Variants in CCDC152 observed in about 807,000 individuals in gnomAD.
The protein encoded by CCDC152 is coiled-coil domain-containing protein 152.
A neutral mutation model predicts 38.1 loss-of-function variants in CCDC152; 37 were observed. The ratio of observed to expected loss-of-function variants is 0.97; its 90% CI spans 0.75 to 1.28. The LOEUF (loss-of-function observed/expected upper bound fraction) is 1.28, where lower values mean the gene tolerates loss of function less well. Ranked by LOEUF, CCDC152 falls within the 50% of genes most tolerant of loss-of-function variation. CCDC152 has a pLI of 0.00. For synonymous variants in CCDC152, 83 were observed against 87.1 expected, an observed-to-expected ratio of 0.95 and a Z score of 0.26; for missense variants, 259 against 292.1, an observed-to-expected ratio of 0.89 and a Z score of 0.83.
chr5:42,801,295 A>C lies in CCDC152; in HGVS notation c.*1514A>C, dbSNP rs752921378. The C allele has an allele frequency of 6.2e-7, 1 of 1,611,534 alleles. No individual in the cohort carries two copies. ...TCAACTGTTTTATCCACAGTAGCCA[A>C]AGATACACGTTTACAAAAGTCTTCA... On this transcript the variant is annotated 3_prime_UTR_variant, in exon 9 of 9. Coordinates refer to ENST00000361970, the MANE Select transcript of CCDC152 (RefSeq NM_001134848.2).
intron 4 of CCDC152, among the ~76,000 whole-genome samples, chr5:42,772,426 G>A (rs1283075537): frequency 6.6e-6 from 1 of 152,048 alleles, no homozygotes; most frequent in African/African-American, 2.4e-5. Context: ...TTGGCCGGGC[G>A]CTGTGGCTCA....
Position 42,762,922 on chromosome 5 carries a change from A to AT in CCDC152, c.193+376dup, listed in dbSNP as rs201969377. Reference sequence around the variant, plus strand: ...AATAAATGTCAAATGTGTCAAAAAAATTGTGTTAAAAATGAATCTGTACAC... The same window carrying AT: ...AATAAATGTCAAATGTGTCAAAAAAATTTGTGTTAAAAATGAATCTGTACAC... On this transcript the variant is annotated intron_variant, in intron 3 of 8. Coordinates refer to ENST00000361970, the MANE Select transcript of CCDC152 (RefSeq NM_001134848.2). 1.6e-3 allele frequency among the ~76,000 whole-genome samples: 247 copies of AT among 152,338 alleles called. 2 individuals are homozygous for AT. The highest frequency in any genetic ancestry group is 0.015 in the Admixed American group (225 of 15,296).
intron 5 of CCDC152, among the ~76,000 whole-genome samples, chr5:42,780,918 T>A (rs1401394863): frequency 6.6e-6 from 1 of 152,168 alleles, no homozygotes; most frequent in Non-Finnish European, 1.5e-5. Context: ...TGTAACCTAT[T>A]GGGGATTAGT....
At chr5:42,760,183 A>G (rs781321923) in intron 2 of CCDC152, among the ~76,000 whole-genome samples, 7 of 152,100 alleles carry the variant, frequency 4.6e-5, no homozygotes, top group Non-Finnish European at 1.0e-4. Context: ...AGGCTCCTAT[A>G]GTCCCAGCTA....
At chr5:42,778,124 C>T (rs1357517484) in intron 4 of CCDC152, among the ~76,000 whole-genome samples, 1 of 152,126 alleles carries the variant, frequency 6.6e-6, no homozygotes, top group Non-Finnish European at 1.5e-5. Context: ...GAGGCTTTTC[C>T]TGTTTACCAG....
chr5:42,790,178 T>C (rs1759978706), intron 6 of CCDC152, among the ~76,000 whole-genome samples: 1 of 152,118 alleles, frequency 6.6e-6, no homozygotes, highest in South Asian at 2.1e-4. Flanking sequence ...CCCAGAGACA[T>C]ACAGATGAAG....
At position 42,758,318 on chromosome 5, in the gene CCDC152, C is replaced by T. The variant is rs1299125789; in HGVS notation, c.-2-802C>T. On this transcript the variant is annotated intron_variant, in intron 1 of 8. Transcript: ENST00000361970. ...CCCAAATTGCTTTGAGTAACTACAT[C>T]AGGAATTTTACTTACATTTTACTTT... 8.5e-5 allele frequency among the ~76,000 whole-genome samples: 13 copies of T among 152,288 alleles called. 1 individual carries two copies. The highest frequency in any genetic ancestry group is 1.8e-4 in the Non-Finnish European group (12 of 67,996).
intron 8 of CCDC152, 42 bp from the exon 9 acceptor site, chr5:42,799,617 T>TGTA: frequency 6.9e-7 from 1 of 1,446,942 alleles, no homozygotes; most frequent in South Asian, 1.3e-5. Flanking sequence ...TGTACTAAAT[T>TGTA]TTATTTCTGA....
intron 4 of CCDC152, among the ~76,000 whole-genome samples, chr5:42,778,489 C>G (rs1759797201): frequency 6.6e-6 from 1 of 152,054 alleles, no homozygotes. Flanking sequence ...TTTAAACCGA[C>G]CTGGATGTTT....
At chr5:42,788,906 T>A (rs982703458) in intron 6 of CCDC152, among the ~76,000 whole-genome samples, 3 of 152,084 alleles carry the variant, frequency 2.0e-5, no homozygotes, top group African/African-American at 7.3e-5. Context: ...GTGGGGTATA[T>A]TTGCAGGGGA....
At position 42,801,404 on chromosome 5, in the gene CCDC152, G is replaced by T; in HGVS notation, c.*1623G>T. The T allele has an allele frequency of 8.7e-7, 1 of 1,146,152 alleles. No individual in the cohort carries two copies. The highest frequency in any genetic ancestry group is 1.2e-6 in the Non-Finnish European group (1 of 810,432). The allele number at this position is 1,146,152 out of a possible 1,614,324, so 71.0% of individuals were successfully genotyped here. A position where few individuals can be genotyped will look rare whatever the true frequency, so the allele number is the denominator to read the frequency against. On this transcript the variant is annotated 3_prime_UTR_variant, in exon 9 of 9. Coordinates refer to ENST00000361970, the MANE Select transcript of CCDC152 (RefSeq NM_001134848.2). ...AATAATGCGTGAAAAATGATTTGTA[G>T]AGCTAACATGTGAAATTCCAACTAG...
chr5:42,778,676 C>G (rs560386267), intron 4 of CCDC152, among the ~76,000 whole-genome samples: 13 of 151,966 alleles, frequency 8.6e-5, no homozygotes, highest in African/African-American at 3.1e-4. Flanking sequence ...TAATTCTCCT[C>G]ATTGCTTCCT....
At chr5:42,785,087 C>T (rs997468960) in intron 6 of CCDC152, among the ~76,000 whole-genome samples, 25 of 151,986 alleles carry the variant, frequency 1.6e-4, no homozygotes, top group Admixed American at 1.2e-3. Context: ...ACTATTCAGG[C>T]TCTGTTTTGG....
chr5:42,793,279 T>C (rs780832483), intron 6 of CCDC152, among the ~76,000 whole-genome samples: 7 of 152,172 alleles, frequency 4.6e-5, no homozygotes, highest in Non-Finnish European at 1.0e-4. Context: ...TTGCCAGTAT[T>C]TGAGCAAAAG....
In CCDC152 at chr5:42,801,598, G is replaced by A. The variant is rs1579729664; in HGVS notation, c.*1817G>A. 1.4e-4 allele frequency: 64 copies of A among 451,672 alleles called. 1 individual carries two copies. In the East Asian group the frequency reaches 2.1e-3, roughly 15 times the overall value. 28.0% of individuals were successfully genotyped at this position (451,672 alleles called of 1,614,324 possible). ...CAAAAGGAACTTGGATTGCAGGAAA[G>A]TCAAAGTAATATCAAATCCTAAATT... On this transcript the variant is annotated 3_prime_UTR_variant, in exon 9 of 9. Transcript: ENST00000361970.
At chr5:42,779,329 T>C in intron 4 of CCDC152, 129 bp from the exon 5 acceptor site, 1 of 645,074 alleles carries the variant, frequency 1.6e-6, no homozygotes, top group South Asian at 1.8e-5. Context: ...GCATGGTGCC[T>C]GAAGTGTAGC....
chr5:42,770,373 G>A (rs566796986), intron 4 of CCDC152, among the ~76,000 whole-genome samples: 24 of 152,232 alleles, frequency 1.6e-4, no homozygotes, highest in African/African-American at 5.8e-4. Context: ...CCTGTAATTT[G>A]GAGTGTTAAA....
At position 42,796,955 on chromosome 5, in the gene CCDC152, A is replaced by T; in HGVS notation, c.557A>T (p.Glu186Val). Residue 186 changes from glutamate to valine, a missense_variant and splice_region_variant, in exon 7 of 9, where the codon GAA becomes GTA. Coordinates refer to ENST00000361970, the MANE Select transcript of CCDC152 (RefSeq NM_001134848.2). ...AATGAAATAATCAAGCTACAACTAG[A>T]AGTAAGTGTTTAAGAGTCTGCTAAA... ...KQNEIIKLQL[E>V]FDAKLARVQT... 6.6e-7 allele frequency: 1 copy of T among 1,516,608 alleles called. No individual in the cohort carries two copies. Among genetic ancestry groups the T allele is most frequent in the Non-Finnish European group, 8.8e-7 (1 of 1,134,252 alleles). The allele number at this position is 1,516,608 out of a possible 1,614,324, so 93.9% of individuals were successfully genotyped here.
intron 7 of CCDC152, 107 bp from the exon 8 acceptor site, chr5:42,799,268 A>C: frequency 1.7e-6 from 1 of 588,262 alleles, no homozygotes; most frequent in Non-Finnish European, 2.9e-6. Context: ...TGTAATTTAC[A>C]CCTGAATTAC....
Sources: allele counts gnomAD v4.1 joint callset (sites outside exome capture counted in the v4.1 genomes callset), GRCh38; gene constraint gnomAD v4.1.1; transcripts MANE v1.5; gene names NCBI Gene and HGNC (gene_info 2026-07-23, HGNC 2026-07-21).